BCAT1: variants seen among roughly 807,000 people sequenced by gnomAD.
The protein encoded by BCAT1 is branched-chain-amino-acid aminotransferase, cytosolic.
Under a neutral mutation model 52.4 loss-of-function variants are expected in BCAT1, and 48 were observed. The observed-to-expected ratio is 0.92, with a 90% confidence interval of 0.73 to 1.16. BCAT1 has a LOEUF of 1.16. Among genes scored for constraint, BCAT1 ranks in the 50% most tolerant of loss-of-function variants. The probability of loss-of-function intolerance (pLI) is 0.00; values close to 1 mark genes in which losing one functional copy is unlikely to be tolerated. For synonymous variants in BCAT1, 167 were observed against 161.3 expected (o/e 1.04, Z -0.27); for missense variants, 451 against 457.1 (o/e 0.99, Z 0.12).
intron 6 of BCAT1, among the ~76,000 whole-genome samples, chr12:24,843,587 A>T (rs541175033): frequency 5.9e-5 from 9 of 152,250 alleles, no homozygotes; most frequent in Admixed American, 5.2e-4. Context: ...TGGGTGACAC[A>T]GTGAGACTCT....
intron 7 of BCAT1, among the ~76,000 whole-genome samples, chr12:24,841,069 A>AT (rs1055416992): frequency 1.2e-4 from 19 of 152,326 alleles, no homozygotes; most frequent in African/African-American, 4.6e-4. Flanking sequence ...CTGCCAACTA[A>AT]TAAAAAAAAA....
At chr12:24,927,849 CT>C (rs1282468793) in intron 1 of BCAT1, among the ~76,000 whole-genome samples, 3 of 152,186 alleles carry the variant, frequency 2.0e-5, no homozygotes, top group Non-Finnish European at 4.4e-5. Flanking sequence ...TTATTTTTCT[CT>C]CATTACTGCC....
At position 24,815,335 on chromosome 12, in the gene BCAT1, C is replaced by G. The variant is rs1939838240; in HGVS notation, c.*2673G>C. The G allele has an allele frequency of 6.6e-6, 1 of 152,548 alleles. No homozygotes were observed. The highest frequency in any genetic ancestry group is 2.4e-5 in the African/African-American group (1 of 41,430). 9.4% of individuals were successfully genotyped at this position (152,548 alleles called of 1,614,324 possible). ...ATTGCTGAATCTCATTTGATCAACC[C>G]AATTAAACATTAAATAATTGCAGCC... is the stretch of plus-strand genomic sequence containing the variant. On this transcript the variant is annotated 3_prime_UTR_variant, in exon 11 of 11. Transcript: ENST00000261192.
intron 5 of BCAT1, among the ~76,000 whole-genome samples, chr12:24,877,129 TCGGTATTTATTCCATGG>T (rs1362639017): frequency 2.6e-5 from 4 of 152,196 alleles, no homozygotes; most frequent in Non-Finnish European, 5.9e-5. Context: ...AGAAAACACT[TCGGTATTTATTCCATGG>T]CCCTATATAT....
Position 24,878,661 on chromosome 12 carries a change from A to T in BCAT1, c.391-12T>A, listed in dbSNP as rs781535775. 5.0e-6 allele frequency: 8 copies of T among 1,595,200 alleles called. No homozygotes were observed. The highest frequency in any genetic ancestry group is 6.8e-6 in the Non-Finnish European group (8 of 1,170,200). On this transcript the variant is annotated splice_polypyrimidine_tract_variant and intron_variant, in intron 4 of 10. Transcript: ENST00000261192. ...TCTTTGTCAAATACCTGAAAGAATG[A>T]AAAACATAATAAATGACAGAATTTT...
In BCAT1 at chr12:24,882,942, TA is replaced by T. The variant is rs577534475; in HGVS notation, c.280-1532del. On this transcript the variant is annotated intron_variant, in intron 3 of 10. Transcript: ENST00000261192. ...AATAAAACTGGCAAGCTTCCATTAC[TA>T]TTTATAAAACAAAAGAATTTAAGCC... Among the ~76,000 whole-genome samples, 10 of 152,208 alleles carry T rather than the reference TA, an allele frequency of 6.6e-5. No individual in the cohort carries two copies. The South Asian group carries it at 2.1e-3, about 32-fold the overall frequency.
At chr12:24,893,454 T>C (rs1168039725) in intron 3 of BCAT1, among the ~76,000 whole-genome samples, 1 of 152,228 alleles carries the variant, frequency 6.6e-6, no homozygotes, top group Non-Finnish European at 1.5e-5. Flanking sequence ...GAGCCCAGGA[T>C]GTCTGACTTC....
At chr12:24,919,422 T>C (rs1466649345) in intron 1 of BCAT1, among the ~76,000 whole-genome samples, 1 of 152,222 alleles carries the variant, frequency 6.6e-6, no homozygotes, top group Non-Finnish European at 1.5e-5. Flanking sequence ...CTAGCTTTAT[T>C]GTCAGATAGA....
chr12:24,933,214 G>A (rs11047714), intron 1 of BCAT1, among the ~76,000 whole-genome samples: 28,411 of 143,388 alleles, frequency 0.2, 2,871 homozygotes, highest in East Asian at 0.37. Flanking sequence ...AGTAACCCTC[G>A]GGCCTCAGCC....
intron 5 of BCAT1, among the ~76,000 whole-genome samples, chr12:24,863,734 G>T (rs959410821): frequency 2.0e-5 from 3 of 152,068 alleles, no homozygotes; most frequent in Non-Finnish European, 4.4e-5. Flanking sequence ...AGTTTGAGGT[G>T]AGCCTTGGCA....
At chr12:24,897,061 G>C (rs553781226) in intron 2 of BCAT1, among the ~76,000 whole-genome samples, 2 of 152,242 alleles carry the variant, frequency 1.3e-5, no homozygotes, top group African/African-American at 4.8e-5. Context: ...TCAGTGAATG[G>C]GGAGGACCCT....
At chr12:24,834,653 A>C in intron 8 of BCAT1, 1 of 990,496 alleles carries the variant, frequency 1.0e-6, no homozygotes, top group Non-Finnish European at 1.2e-6. Flanking sequence ...TGCTGTAAGT[A>C]GATTTGGAAG....
intron 1 of BCAT1, among the ~76,000 whole-genome samples, chr12:24,948,280 C>G (rs887264510): frequency 6.6e-6 from 1 of 152,182 alleles, no homozygotes; most frequent in Non-Finnish European, 1.5e-5. Flanking sequence ...CCTAAATAGT[C>G]AGAAATAATA....
chr12:24,948,088 A>C (rs1037803262), intron 1 of BCAT1, among the ~76,000 whole-genome samples: 1 of 152,254 alleles, frequency 6.6e-6, no homozygotes, highest in Non-Finnish European at 1.5e-5. Flanking sequence ...ACGAGGCTTT[A>C]TTCCTACCAG....
At chr12:24,834,678 T>A in intron 8 of BCAT1, 1 of 1,003,680 alleles carries the variant, frequency 1.0e-6, no homozygotes. Context: ...GGAAAATATA[T>A]CTGCAATAGA....
At chr12:24,900,314 T>C (rs1943065253) in intron 2 of BCAT1, among the ~76,000 whole-genome samples, 2 of 152,184 alleles carry the variant, frequency 1.3e-5, no homozygotes, top group Admixed American at 1.3e-4. Context: ...TGGCCAGGCA[T>C]TGTGGCTTAT....
rs1159115603 is a variant in BCAT1 at position 24,817,956 on chromosome 12, A to G, written c.*52T>C. 7.8e-6 allele frequency: 12 copies of G among 1,547,206 alleles called. No individual in the cohort carries two copies. Among genetic ancestry groups the G allele is most frequent in the African/African-American group, 2.7e-5 (2 of 73,590 alleles). ...CAATTCAAATGCAACAGTCTGTCCC[A>G]GTAGCATACAGTTGGTATCCTCTAT... On this transcript the variant is annotated 3_prime_UTR_variant, in exon 11 of 11. Coordinates refer to ENST00000261192, the MANE Select transcript of BCAT1 (RefSeq NM_005504.7).
chr12:24,943,811 C>T (rs572368090), intron 1 of BCAT1, among the ~76,000 whole-genome samples: 217 of 151,818 alleles, frequency 1.4e-3, no homozygotes, highest in East Asian at 7.0e-3. Context: ...GGTGAAACCC[C>T]GTCTCTACAA....
chr12:24,845,176 T>C (rs1264258688), intron 6 of BCAT1, among the ~76,000 whole-genome samples: 1 of 150,000 alleles, frequency 6.7e-6, no homozygotes, highest in Non-Finnish European at 1.5e-5. Context: ...ATGGTGCCAC[T>C]GCACTCCAGC....
Sources: allele counts gnomAD v4.1 joint callset (sites outside exome capture counted in the v4.1 genomes callset), GRCh38; gene constraint gnomAD v4.1.1; transcripts MANE v1.5; gene names NCBI Gene and HGNC (gene_info 2026-07-23, HGNC 2026-07-21).